SLIT2: variants seen among roughly 807,000 people sequenced by gnomAD.
The protein encoded by SLIT2 is slit guidance ligand 2.
In SLIT2, 41 loss-of-function variants were observed where a neutral mutation model predicts 185.7. The ratio of observed to expected loss-of-function variants is 0.22; its 90% confidence interval spans 0.17 to 0.29. The LOEUF is 0.29. Among genes scored for constraint, SLIT2 ranks in the 10% least tolerant of loss-of-function variants. The probability of loss-of-function intolerance (pLI) is 1.00; values close to 1 mark genes in which losing one functional copy is unlikely to be tolerated. For missense variants in SLIT2, 1,571 were observed against 1,909.0 expected, an observed-to-expected ratio of 0.82 and a Z score of 3.30; for synonymous variants, 693 against 680.2, an observed-to-expected ratio of 1.02 and a Z score of -0.29.
In SLIT2 at chr4:20,276,334, A is replaced by AT. The variant is rs201185310; in HGVS notation, c.395+7459dup. 7.4e-3 allele frequency among the ~76,000 whole-genome samples: 1,133 copies of AT among 152,144 alleles called. 11 individuals are homozygous for AT. The highest frequency in any genetic ancestry group is 0.025 in the African/African-American group (1,055 of 41,514). ...TAACTGAGTTGATTATAATCACTGA[A>AT]TTTTTTCTGGAGGGTTAACCTTAAA... On this transcript the variant is annotated intron_variant, in intron 4 of 36. Coordinates refer to ENST00000504154, the MANE Select transcript of SLIT2 (RefSeq NM_004787.4).
intron 29 of SLIT2, among the ~76,000 whole-genome samples, chr4:20,575,148 G>A (rs186294017): frequency 2.0e-5 from 3 of 152,236 alleles, no homozygotes; most frequent in East Asian, 1.9e-4. Context: ...AAATTGTTGT[G>A]TATACTCTTA....
At chr4:20,342,717 CTTTT>C (rs11373611) in intron 4 of SLIT2, among the ~76,000 whole-genome samples, 4 of 69,678 alleles carry the variant, frequency 5.7e-5, no homozygotes, top group Admixed American at 2.6e-4. Flanking sequence ...GACTATCGCA[CTTTT>C]TTTTTTTTTT....
rs2148991458 is a variant in SLIT2, at chr4:20,617,595, G to A, written c.4293G>A (p.Leu1431=). The A allele has an allele frequency of 6.2e-7, 1 of 1,613,310 alleles. No individual in the cohort carries two copies. The highest frequency in any genetic ancestry group is 8.5e-7 in the Non-Finnish European group (1 of 1,179,944). ...CKHGKCRLSG[L]GQPYCECSSG... ...ATGGGAAGTGCAGGCTTTCAGGTCT[G>A]GGGCAGCCCTACTGTGAATGCAGCA... The change falls in exon 36 of 37, where the codon CTG becomes CTA. Residue 1431 remains leucine, a synonymous_variant. Transcript: ENST00000504154.
Position 20,545,843 on chromosome 4 carries a change from C to T in SLIT2, c.2277-188C>T, listed in dbSNP as rs538008157. Among the ~76,000 whole-genome samples the T allele has an allele frequency of 1.1e-4, 16 of 151,590 alleles. 1 individual carries two copies. Among genetic ancestry groups the T allele is most frequent in the South Asian group, 2.1e-4 (1 of 4,822 alleles). ...TAGATAAACCACAAAGAACTGGACT[C>T]GTGGACAACTCTGCTTTTTTTTTTT... On this transcript the variant is annotated intron_variant, in intron 21 of 36. Coordinates refer to ENST00000504154, the MANE Select transcript of SLIT2 (RefSeq NM_004787.4).
At chr4:20,289,327 T>TA (rs902174329) in intron 4 of SLIT2, among the ~76,000 whole-genome samples, 4 of 152,202 alleles carry the variant, frequency 2.6e-5, no homozygotes, top group South Asian at 4.1e-4. Context: ...AGATGACTAT[T>TA]AAAAAAAATC....
At chr4:20,348,302 G>C (rs1222742213) in intron 4 of SLIT2, among the ~76,000 whole-genome samples, 1 of 152,030 alleles carries the variant, frequency 6.6e-6, no homozygotes, top group African/African-American at 2.4e-5. Flanking sequence ...GCAGTGGCAT[G>C]ATCTTGGCTC....
At chr4:20,607,235 A>T (rs1417106624) in intron 33 of SLIT2, among the ~76,000 whole-genome samples, 1 of 152,226 alleles carries the variant, frequency 6.6e-6, no homozygotes, top group South Asian at 2.1e-4. Flanking sequence ...GAGCTAGGAC[A>T]AGCTGAGCAA....
intron 18 of SLIT2, among the ~76,000 whole-genome samples, chr4:20,534,325 A>G (rs541631322): frequency 1.3e-5 from 2 of 152,286 alleles, no homozygotes; most frequent in African/African-American, 4.8e-5. Flanking sequence ...TTTCAAAGAA[A>G]ACATGCTAAG....
chr4:20,581,073 A>G (rs775372403), intron 29 of SLIT2, among the ~76,000 whole-genome samples: 4 of 152,228 alleles, frequency 2.6e-5, no homozygotes, highest in Non-Finnish European at 5.9e-5. Flanking sequence ...TGCCATAACA[A>G]ATTACTGCAA....
At chr4:20,467,529 C>T (rs999108744) in intron 4 of SLIT2, among the ~76,000 whole-genome samples, 1 of 151,840 alleles carries the variant, frequency 6.6e-6, no homozygotes, top group African/African-American at 2.4e-5. Context: ...AATTAAAGAT[C>T]TAGAAGCATA....
chr4:20,567,314 G>T lies in SLIT2; in HGVS notation c.2778G>T (p.Pro926=). 6.2e-7 allele frequency: 1 copy of T among 1,612,462 alleles called. No homozygotes were observed. Among genetic ancestry groups the T allele is most frequent in the Non-Finnish European group, 8.5e-7 (1 of 1,178,820 alleles). ...AGTGTAACCCCTGCCTATCAAATCC[G>T]TGTAAAAATGATGGCACATGTAATA... ...LAKCNPCLSN[P]CKNDGTCNSD... is the part of the protein sequence containing the mutation. Residue 926 remains proline, a synonymous_variant, in exon 27 of 37, where the codon CCG becomes CCT. Coordinates refer to ENST00000504154, the MANE Select transcript of SLIT2 (RefSeq NM_004787.4).
At chr4:20,495,290 A>G (rs1233781036) in intron 9 of SLIT2, among the ~76,000 whole-genome samples, 1 of 152,214 alleles carries the variant, frequency 6.6e-6, no homozygotes, top group Non-Finnish European at 1.5e-5. Context: ...GAAACCTGTC[A>G]TCATTAGAAA....
chr4:20,594,205 A>G (rs78324301), intron 30 of SLIT2, among the ~76,000 whole-genome samples: 6,249 of 149,262 alleles, frequency 0.042, 150 homozygotes, highest in African/African-American at 0.052. Context: ...ATATGTATGT[A>G]TGTGTGTATA....
intron 9 of SLIT2, among the ~76,000 whole-genome samples, chr4:20,493,068 T>C (rs545638615): frequency 6.6e-6 from 1 of 152,310 alleles, no homozygotes; most frequent in African/African-American, 2.4e-5. Flanking sequence ...CATCTTTTAG[T>C]ATTTTTTGGC....
intron 34 of SLIT2, chr4:20,615,397 T>C (rs1258776684): frequency 2.0e-5 from 3 of 152,156 alleles, no homozygotes; most frequent in Non-Finnish European, 4.4e-5. Flanking sequence ...GAGCTGCATG[T>C]AGATATTTAG....
chr4:20,551,657 A>G (rs1193487071), intron 25 of SLIT2, among the ~76,000 whole-genome samples: 1 of 152,162 alleles, frequency 6.6e-6, no homozygotes, highest in Non-Finnish European at 1.5e-5. Context: ...CTTGGTGGCA[A>G]CTATCTATTT....
At chr4:20,542,745 TTAA>T (rs1203490512) in intron 21 of SLIT2, 119 bp downstream of exon 21, 13 of 1,080,932 alleles carry the variant, frequency 1.2e-5, no homozygotes, top group Non-Finnish European at 1.8e-5. Flanking sequence ...CTAAGGCCAG[TTAA>T]TTATTATCCT....
chr4:20,403,372 T>C (rs1392387786), intron 4 of SLIT2, among the ~76,000 whole-genome samples: 1 of 151,932 alleles, frequency 6.6e-6, no homozygotes, highest in East Asian at 1.9e-4. Flanking sequence ...GGAGACAGTG[T>C]TACAAGAGGC....
At chr4:20,417,381 T>C (rs756540084) in intron 4 of SLIT2, among the ~76,000 whole-genome samples, 2 of 149,808 alleles carry the variant, frequency 1.3e-5, no homozygotes, top group Non-Finnish European at 3.0e-5. Flanking sequence ...CCAGCTAGCT[T>C]CTACTTCAGG....
Sources: gnomAD v4.1 joint callset for allele counts (sites outside exome capture counted in the v4.1 genomes callset) on GRCh38, gnomAD v4.1.1 for gene constraint, MANE v1.5 for transcripts, NCBI Gene and HGNC (gene_info 2026-07-23, HGNC 2026-07-21) for gene names.